Variants in CDKL4 observed in about 807,000 individuals in gnomAD.
CDKL4 encodes the protein cyclin dependent kinase like 4, also known as cyclin-dependent kinase-like 4.
A neutral mutation model predicts 42.0 loss-of-function variants in CDKL4; 44 were observed. That is an observed-to-expected ratio of 1.05 (90% confidence interval 0.82 to 1.35). The LOEUF (loss-of-function observed/expected upper bound fraction) is 1.35. CDKL4 is among the 40% of genes most tolerant of loss of function. CDKL4 has a pLI of 0.00. For missense variants in CDKL4, 393 were observed against 369.9 expected, an observed-to-expected ratio of 1.06 and a Z score of -0.51; for synonymous variants, 120 against 121.6, an observed-to-expected ratio of 0.99 and a Z score of 0.09.
intron 1 of CDKL4, among the ~76,000 whole-genome samples, chr2:39,233,522 G>A (rs989092245): frequency 1.3e-5 from 2 of 152,092 alleles, no homozygotes; most frequent in Non-Finnish European, 2.9e-5. Context: ...TCACCACTAA[G>A]ACAGGGAAAA....
At chr2:39,241,449 A>C (rs1472211394) in intron 1 of CDKL4, among the ~76,000 whole-genome samples, 1 of 147,870 alleles carries the variant, frequency 6.8e-6, no homozygotes, top group Admixed American at 7.0e-5. Context: ...CACCAAAGAC[A>C]TCTTTCTCAA....
At chr2:39,242,203 G>A (rs867192689) in intron 1 of CDKL4, among the ~76,000 whole-genome samples, 2 of 152,060 alleles carry the variant, frequency 1.3e-5, no homozygotes, top group African/African-American at 4.8e-5. Context: ...GTGCCACCAT[G>A]CCTAGCTAAT....
In CDKL4 at chr2:39,181,342, C is replaced by G. The variant is rs528188523; in HGVS notation, c.793-2021G>C. On this transcript the variant is annotated intron_variant, in intron 8 of 9. Coordinates refer to ENST00000451199, the Ensembl canonical transcript of CDKL4. ...ATTCCTCAAGGCCAAATCCTAGCCA[C>G]CCCTTTTTTTCTCATCTGTTCTTGG... 2.0e-5 allele frequency among the ~76,000 whole-genome samples: 3 copies of G among 152,308 alleles called. No homozygotes were observed. The East Asian group carries it at 5.8e-4, about 29-fold the overall frequency.
chr2:39,224,435 C>T (rs1159617101), intron 3 of CDKL4, among the ~76,000 whole-genome samples: 2 of 151,536 alleles, frequency 1.3e-5, no homozygotes, highest in African/African-American at 4.9e-5. Flanking sequence ...GTCAGAACAA[C>T]TCTTTATCTT....
At chr2:39,195,681 C>T (rs1175044273) in intron 5 of CDKL4, among the ~76,000 whole-genome samples, 3 of 125,460 alleles carry the variant, frequency 2.4e-5, no homozygotes, top group Admixed American at 9.2e-5. Flanking sequence ...CTCACTTTGT[C>T]GCCTGGGCTG....
At chr2:39,207,254 G>A (rs1486729414) in intron 4 of CDKL4, among the ~76,000 whole-genome samples, 4 of 152,050 alleles carry the variant, frequency 2.6e-5, no homozygotes, top group South Asian at 2.1e-4. Context: ...GGTGTGTGGC[G>A]TGTGCCTTTA....
At chr2:39,191,885 G>A (rs1030289393) in intron 5 of CDKL4, among the ~76,000 whole-genome samples, 3 of 152,184 alleles carry the variant, frequency 2.0e-5, no homozygotes, top group Non-Finnish European at 4.4e-5. Flanking sequence ...AAAGCAGCCC[G>A]ACTTGCAGAG....
At chr2:39,187,545 AAAAT>A (rs908550143) in intron 7 of CDKL4, 78 bp downstream of exon 7, 157 of 1,024,932 alleles carry the variant, frequency 1.5e-4, no homozygotes, top group Admixed American at 2.2e-4. Context: ...ACATCATCTC[AAAAT>A]AAATAAATAA....
chr2:39,180,842 C>G (rs1288166647), intron 8 of CDKL4, among the ~76,000 whole-genome samples: 1 of 152,132 alleles, frequency 6.6e-6, no homozygotes, highest in African/African-American at 2.4e-5. Flanking sequence ...AGGCATGCAC[C>G]ACCATGCTGA....
rs200345777 is a variant in CDKL4 at position 39,187,660 on chromosome 2, G to GAA, written c.700_701dup (p.His235SerfsTer27). On this transcript the variant is annotated frameshift_variant, in exon 7 of 10. Transcript: ENST00000451199. LOFTEE classifies it high-confidence loss of function. ...CTGGCTCAGGTATACTGATGCCATG[G>GAA]AAAAACCCGTTACTTTTAAAGATTG... The GAA allele has an allele frequency of 4.5e-4, 732 of 1,613,134 alleles. 7 individuals are homozygous for GAA. The East Asian group carries it at 0.015, about 34-fold the overall frequency.
intron 9 of CDKL4, chr2:39,178,922 G>A (rs1268420626): frequency 1.9e-5 from 27 of 1,447,378 alleles, no homozygotes; most frequent in Non-Finnish European, 2.4e-5. Context: ...TCTTGTGGGT[G>A]GGATATCCAA....
At chr2:39,170,710 C>T (rs896621026), downstream of CDKL4, among the ~76,000 whole-genome samples, 3 of 152,110 alleles carry the variant, frequency 2.0e-5, no homozygotes, top group African/African-American at 7.2e-5. Flanking sequence ...CCACCTCAGC[C>T]TCCCAAAGTG....
At chr2:39,229,627 A>C (rs1678973086) in intron 1 of CDKL4, 39 bp from the exon 2 acceptor site, 1 of 982,316 alleles carries the variant, frequency 1.0e-6, no homozygotes, top group East Asian at 2.5e-5. Flanking sequence ...CAAGCTATAA[A>C]AGACAATGTT....
At chr2:39,194,925 A>G (rs1335634358) in intron 5 of CDKL4, among the ~76,000 whole-genome samples, 1 of 152,118 alleles carries the variant, frequency 6.6e-6, no homozygotes, top group African/African-American at 2.4e-5. Flanking sequence ...AGTTTTTTCC[A>G]TCATCCCAGC....
intron 4 of CDKL4, among the ~76,000 whole-genome samples, chr2:39,209,664 A>G (rs1176866912): frequency 6.6e-6 from 1 of 152,122 alleles, no homozygotes; most frequent in Non-Finnish European, 1.5e-5. Flanking sequence ...ATCCCTTGGT[A>G]CTTTAACCTG....
chr2:39,178,941 G>C, intron 9 of CDKL4: 1 of 1,445,288 alleles, frequency 6.9e-7, no homozygotes, highest in South Asian at 1.5e-5. Context: ...AATCAGAGCA[G>C]CCAAAGAGTT....
At chr2:39,220,602 T>C (rs1393145404) in intron 3 of CDKL4, among the ~76,000 whole-genome samples, 1 of 152,144 alleles carries the variant, frequency 6.6e-6, no homozygotes, top group East Asian at 1.9e-4. Flanking sequence ...TTTTTCTTTT[T>C]TTTGAGATGG....
intron 6 of CDKL4, 72 bp downstream of exon 6, chr2:39,190,233 A>AT: frequency 1.0e-6 from 1 of 998,448 alleles, no homozygotes; most frequent in Non-Finnish European, 1.4e-6. Context: ...TTATTTATTT[A>AT]TTTTTTATTA....
chr2:39,173,371 G>A (rs1008160385), downstream of CDKL4, among the ~76,000 whole-genome samples: 36 of 152,186 alleles, frequency 2.4e-4, 1 homozygote, highest in Admixed American at 2.2e-3. Context: ...CCGTGGTATC[G>A]TCCTGTTAAA....
Sources: allele counts gnomAD v4.1 joint callset (sites outside exome capture counted in the v4.1 genomes callset), GRCh38; gene constraint gnomAD v4.1.1; transcripts MANE v1.5; gene names NCBI Gene and HGNC (gene_info 2026-07-23, HGNC 2026-07-21).